INPP5B: variants seen among roughly 807,000 people sequenced by gnomAD.
INPP5B encodes the protein inositol polyphosphate-5-phosphatase B.
INPP5B carries 90 observed loss-of-function variants against 118.5 expected under a neutral mutation model. The observed-to-expected ratio is 0.76, with a 90% confidence interval of 0.64 to 0.90. The LOEUF (loss-of-function observed/expected upper bound fraction) is 0.90. Among genes scored for constraint, INPP5B ranks in the 40% least tolerant of loss-of-function variants. The pLI is 0.00. For synonymous variants in INPP5B, 385 were observed against 418.9 expected (o/e 0.92, Z 0.99); for missense variants, 984 against 1,125.6 (o/e 0.87, Z 1.80).
At chr1:37,908,816 G>T (rs781057719) in intron 7 of INPP5B, among the ~76,000 whole-genome samples, 2 of 151,990 alleles carry the variant, frequency 1.3e-5, no homozygotes, top group Non-Finnish European at 2.9e-5. Flanking sequence ...TGCTTTGGCT[G>T]CTCACCCACA....
chr1:37,909,767 C>T (rs1208293295), intron 7 of INPP5B, among the ~76,000 whole-genome samples: 2 of 152,172 alleles, frequency 1.3e-5, no homozygotes, highest in Non-Finnish European at 2.9e-5. Context: ...ACTTAATTGA[C>T]CTCACCTTCA....
At chr1:37,865,351 C>G (rs9728300) in intron 22 of INPP5B, among the ~76,000 whole-genome samples, 6,980 of 152,224 alleles carry the variant, frequency 0.046, 375 homozygotes, top group East Asian at 0.23. Context: ...CAATAGAGAG[C>G]CAAGTATAGT....
chr1:37,874,807 C>T (rs1355775403), intron 17 of INPP5B, among the ~76,000 whole-genome samples: 2 of 152,068 alleles, frequency 1.3e-5, no homozygotes, highest in African/African-American at 4.8e-5. Context: ...AACAAACAAA[C>T]CAAACAAAAA....
chr1:37,924,341 G>T (rs1168239139), intron 7 of INPP5B, among the ~76,000 whole-genome samples: 2 of 151,018 alleles, frequency 1.3e-5, no homozygotes, highest in African/African-American at 4.9e-5. Flanking sequence ...GCTAATTTTT[G>T]TATTTTTAGT....
At chr1:37,900,587 C>G (rs1644294896) in intron 7 of INPP5B, among the ~76,000 whole-genome samples, 1 of 151,122 alleles carries the variant, frequency 6.6e-6, no homozygotes, top group Non-Finnish European at 1.5e-5. Flanking sequence ...TCTGGTGTTC[C>G]CACAGATCTC....
intron 7 of INPP5B, among the ~76,000 whole-genome samples, chr1:37,925,962 T>A (rs113684748): frequency 6.6e-6 from 1 of 152,220 alleles, no homozygotes; most frequent in Non-Finnish European, 1.5e-5. Flanking sequence ...GTGGAAATGA[T>A]GGGCAATATT....
intron 7 of INPP5B, among the ~76,000 whole-genome samples, chr1:37,912,291 C>G (rs1384405023): frequency 1.3e-5 from 2 of 152,228 alleles, no homozygotes; most frequent in African/African-American, 2.4e-5. Flanking sequence ...TTAGGTTCAT[C>G]ATTCCAGAAT....
intron 7 of INPP5B, among the ~76,000 whole-genome samples, chr1:37,892,785 CAT>C (rs144285311): frequency 3.5e-4 from 54 of 152,332 alleles, no homozygotes; most frequent in African/African-American, 1.2e-3. Flanking sequence ...CCCAAGATAA[CAT>C]ACTAGGAGTT....
chr1:37,877,289 C>G (rs1328518443), intron 16 of INPP5B, among the ~76,000 whole-genome samples: 1 of 146,466 alleles, frequency 6.8e-6, no homozygotes, highest in Non-Finnish European at 1.5e-5. Flanking sequence ...TTGCAGCAAG[C>G]TGAAATCACG....
At chr1:37,899,410 A>G (rs1053831105) in intron 7 of INPP5B, among the ~76,000 whole-genome samples, 24 of 151,726 alleles carry the variant, frequency 1.6e-4, no homozygotes, top group African/African-American at 5.6e-4. Context: ...CTTAAAATAC[A>G]AAATAGCCAG....
intron 7 of INPP5B, chr1:37,929,367 C>T (rs1177664982): frequency 3.9e-5 from 6 of 152,148 alleles, no homozygotes; most frequent in African/African-American, 1.4e-4. Context: ...ATCCGCCCGC[C>T]TCAGCCTTCC....
intron 7 of INPP5B, among the ~76,000 whole-genome samples, chr1:37,909,329 T>G (rs556714923): frequency 5.4e-4 from 82 of 152,194 alleles, no homozygotes; most frequent in African/African-American, 1.9e-3. Flanking sequence ...AGGCTGCTCC[T>G]TGCCAGGCCG....
intron 23 of INPP5B, among the ~76,000 whole-genome samples, chr1:37,863,108 C>T (rs1009123465): frequency 1.1e-4 from 17 of 151,822 alleles, no homozygotes; most frequent in African/African-American, 4.1e-4. Context: ...GGGTGTGGCC[C>T]GGTGGCCCCT....
intron 7 of INPP5B, among the ~76,000 whole-genome samples, chr1:37,910,886 G>A (rs1358989539): frequency 1.3e-5 from 2 of 151,988 alleles, no homozygotes; most frequent in African/African-American, 4.8e-5. Flanking sequence ...CCATTATTCT[G>A]TTCTAGATAA....
rs1570110336 is a variant in INPP5B at position 37,888,488 on chromosome 1, G to T, written c.798-144C>A. On this transcript the variant is annotated intron_variant, in intron 9 of 23. Transcript: ENST00000373024. ...AAATGTCATTTCTAACCTAGACCAG[G>T]ACTGCAGCACCAAGGAGTGACTTGC... The T allele has an allele frequency of 6.2e-6, 3 of 485,994 alleles. No individual in the cohort carries two copies. The East Asian group carries it at 1.0e-4, about 17-fold the overall frequency. The allele number at this position is 485,994 out of a possible 1,614,324, so 30.1% of individuals were successfully genotyped here.
At chr1:37,873,190 G>A (rs1254202263) in intron 18 of INPP5B, 25 bp from the exon 19 acceptor site, 1 of 1,548,392 alleles carries the variant, frequency 6.5e-7, no homozygotes, top group Non-Finnish European at 8.9e-7. Flanking sequence ...TAAAAATAAT[G>A]TTGGCCGGGG....
At chr1:37,941,651 AT>A (rs1283989347) in intron 5 of INPP5B, among the ~76,000 whole-genome samples, 11 of 148,560 alleles carry the variant, frequency 7.4e-5, no homozygotes, top group African/African-American at 2.8e-4. Context: ...AAAAAATAAA[AT>A]AAAGGGCCGG....
At chr1:37,921,915 C>A (rs1177957147) in intron 7 of INPP5B, among the ~76,000 whole-genome samples, 1 of 152,148 alleles carries the variant, frequency 6.6e-6, no homozygotes, top group African/African-American at 2.4e-5. Context: ...GCCTGTAATC[C>A]CAGCTACTCA....
At chr1:37,867,512 T>G (rs751320043) in intron 20 of INPP5B, among the ~76,000 whole-genome samples, 59 of 152,320 alleles carry the variant, frequency 3.9e-4, no homozygotes, top group Non-Finnish European at 7.6e-4. Context: ...TCCAGGCATC[T>G]GTTTCCTCAT....
Sources: allele counts gnomAD v4.1 joint callset (sites outside exome capture counted in the v4.1 genomes callset), GRCh38; gene constraint gnomAD v4.1.1; transcripts MANE v1.5; gene names NCBI Gene and HGNC (gene_info 2026-07-23, HGNC 2026-07-21).